The following COL26A1 variants were observed in gnomAD, a reference collection of about 807,000 sequenced individuals.
COL26A1 encodes the protein collagen type XXVI alpha 1 chain, also known as collagen alpha-1(XXVI) chain.
A neutral mutation model predicts 59.3 loss-of-function variants in COL26A1; 41 were observed. That is an observed-to-expected ratio of 0.69 (90% confidence interval 0.54 to 0.90). The LOEUF (loss-of-function observed/expected upper bound fraction) is 0.90. COL26A1 is among the 40% of genes least tolerant of loss of function. The pLI is 0.00. For synonymous variants in COL26A1, 266 were observed against 256.0 expected, an observed-to-expected ratio of 1.04 and a Z score of -0.37; for missense variants, 612 against 602.3, an observed-to-expected ratio of 1.02 and a Z score of -0.17.
chr7:101,386,424 ATCTTTATTTT>A (rs918465367), intron 1 of COL26A1, among the ~76,000 whole-genome samples: 2 of 151,354 alleles, frequency 1.3e-5, no homozygotes, highest in Admixed American at 6.6e-5. Context: ...GCTAATTTTA[ATCTTTATTTT>A]TTTTGAGATA....
chr7:101,378,445 C>G (rs143571174), intron 1 of COL26A1, among the ~76,000 whole-genome samples: 1 of 152,056 alleles, frequency 6.6e-6, no homozygotes, highest in African/African-American at 2.4e-5. Flanking sequence ...TCGCTTGAAC[C>G]GGGGAGGCAG....
At chr7:101,463,887 T>G (rs1381229949) in intron 3 of COL26A1, among the ~76,000 whole-genome samples, 1 of 99,440 alleles carries the variant, frequency 1.0e-5, no homozygotes, top group Admixed American at 9.9e-5. Flanking sequence ...CTTTCTTTCT[T>G]TCTTTCTTTC....
At chr7:101,469,446 C>T (rs1309255368) in intron 3 of COL26A1, among the ~76,000 whole-genome samples, 1 of 151,990 alleles carries the variant, frequency 6.6e-6, no homozygotes, top group African/African-American at 2.4e-5. Flanking sequence ...AAACGGGGTG[C>T]CCAGTTTACC....
chr7:101,557,268 G>T (rs917553851), intron 12 of COL26A1, 102 bp from the exon 13 acceptor site: 7 of 1,236,102 alleles, frequency 5.7e-6, no homozygotes, highest in Admixed American at 5.0e-5. Flanking sequence ...GCTTCTCCAC[G>T]CTGGGCAAGA....
chr7:101,447,577 TC>T lies in COL26A1; in HGVS notation c.282-104del, dbSNP rs1379018610. 12 of 735,526 alleles carry T rather than the reference TC, an allele frequency of 1.6e-5. No homozygotes were observed. The East Asian group carries it at 3.0e-4, about 19-fold the overall frequency. 45.6% of individuals were successfully genotyped at this position (735,526 alleles called of 1,614,324 possible). ...CAGTGGTTTCCACGCCATGGGGGCCTCCCGGAGCCCTGGCTGGGCAAAACAG... is the reference window on the plus strand; with the variant it reads ...CAGTGGTTTCCACGCCATGGGGGCCTCCGGAGCCCTGGCTGGGCAAAACAG... On this transcript the variant is annotated intron_variant, in intron 2 of 12. Coordinates refer to ENST00000313669, the MANE Select transcript of COL26A1 (RefSeq NM_001278563.3).
chr7:101,468,824 C>A (rs1470982251), intron 3 of COL26A1, among the ~76,000 whole-genome samples: 2 of 152,198 alleles, frequency 1.3e-5, no homozygotes, highest in Non-Finnish European at 2.9e-5. Context: ...GAGGCCAAGC[C>A]CTTGGCGCTC....
At chr7:101,534,549 C>A (rs1424189600) in intron 4 of COL26A1, among the ~76,000 whole-genome samples, 1 of 152,078 alleles carries the variant, frequency 6.6e-6, no homozygotes, top group Non-Finnish European at 1.5e-5. Context: ...TGCACACACA[C>A]AAAAACAGGG....
intron 7 of COL26A1, among the ~76,000 whole-genome samples, chr7:101,546,826 C>G (rs1356028981): frequency 6.6e-6 from 1 of 152,002 alleles, no homozygotes; most frequent in Non-Finnish European, 1.5e-5. Context: ...GCAGGATGGG[C>G]CTGTGGGATG....
At chr7:101,435,126 A>G (rs1009318668) in intron 2 of COL26A1, among the ~76,000 whole-genome samples, 1 of 152,170 alleles carries the variant, frequency 6.6e-6, no homozygotes, top group Non-Finnish European at 1.5e-5. Flanking sequence ...GGAGTTCGAG[A>G]CCAGCCTGGC....
In COL26A1 at chr7:101,410,232, C is replaced by G. The variant is rs74484792; in HGVS notation, c.159-9745C>G. 3.9e-3 allele frequency among the ~76,000 whole-genome samples: 589 copies of G among 152,244 alleles called. 14 individuals carry two copies. The East Asian group carries it at 0.056, about 14-fold the overall frequency. On this transcript the variant is annotated intron_variant, in intron 1 of 12. Transcript: ENST00000313669. The stretch of plus-strand genomic sequence containing the variant: ...GGCCAGCTGGTGTTCGTTGGTTCAT[C>G]AGTTCATCTGAATGCAAACTCTAAA...
intron 9 of COL26A1, among the ~76,000 whole-genome samples, chr7:101,550,711 C>G (rs1018993006): frequency 2.2e-4 from 33 of 152,144 alleles, no homozygotes; most frequent in African/African-American, 7.5e-4. Flanking sequence ...GTGGCGATGT[C>G]AGGGGACAGC....
intron 3 of COL26A1, among the ~76,000 whole-genome samples, chr7:101,528,123 G>A (rs1296423219): frequency 6.6e-6 from 1 of 152,128 alleles, no homozygotes; most frequent in Non-Finnish European, 1.5e-5. Context: ...CAGCTGGGGA[G>A]CTGGACCCAC....
intron 1 of COL26A1, among the ~76,000 whole-genome samples, chr7:101,411,068 G>C (rs1317233982): frequency 6.6e-6 from 1 of 152,154 alleles, no homozygotes; most frequent in Non-Finnish European, 1.5e-5. Flanking sequence ...CCTGAAGCTG[G>C]ACACCCCCAA....
chr7:101,539,929 C>T lies in COL26A1; in HGVS notation c.484C>T (p.Pro162Ser). ...AGAAGCAGCAGAACGGCCCTCCAGC[C>T]CGGACAACGACCTGCCAGCCCCCGA... ...LLEAAERPSS[P>S]DNDLPAPEST... Residue 162 changes from proline (P) to serine (S), a missense_variant, in exon 5 of 13, where the codon CCG (proline) becomes TCG (serine). Coordinates refer to ENST00000313669, the MANE Select transcript of COL26A1 (RefSeq NM_001278563.3). 6.2e-7 allele frequency: 1 copy of T among 1,613,546 alleles called. No homozygotes were observed. Among genetic ancestry groups the T allele is most frequent in the Non-Finnish European group, 8.5e-7 (1 of 1,179,744 alleles).
chr7:101,397,547 T>TG (rs1025399661), intron 1 of COL26A1, among the ~76,000 whole-genome samples: 1 of 145,774 alleles, frequency 6.9e-6, no homozygotes, highest in Non-Finnish European at 1.5e-5. Context: ...CCCCTCCTTT[T>TG]TTTTTTTGAG....
intron 1 of COL26A1, among the ~76,000 whole-genome samples, chr7:101,394,158 G>A (rs1441816563): frequency 1.3e-5 from 2 of 152,078 alleles, no homozygotes; most frequent in East Asian, 1.9e-4. Context: ...GGTAGCAAGA[G>A]GGCCAGAGTG....
intron 1 of COL26A1, among the ~76,000 whole-genome samples, chr7:101,377,563 A>G (rs1791348607): frequency 6.6e-6 from 1 of 152,114 alleles, no homozygotes; most frequent in Admixed American, 6.6e-5. Flanking sequence ...AGTAGGTGGA[A>G]CTATAGGCAT....
chr7:101,406,631 C>T (rs1024208728), intron 1 of COL26A1, among the ~76,000 whole-genome samples: 1 of 152,218 alleles, frequency 6.6e-6, no homozygotes, highest in Admixed American at 6.5e-5. Flanking sequence ...CCTGGAACCC[C>T]ACTCTGAGTT....
chr7:101,399,978 T>C (rs1307369528), intron 1 of COL26A1, among the ~76,000 whole-genome samples: 1 of 152,246 alleles, frequency 6.6e-6, no homozygotes, highest in East Asian at 1.9e-4. Flanking sequence ...AAGTCTCTGC[T>C]CTCAGGGAGA....
Sources: gnomAD v4.1 joint callset for allele counts (sites outside exome capture counted in the v4.1 genomes callset) on GRCh38, gnomAD v4.1.1 for gene constraint, MANE v1.5 for transcripts, NCBI Gene and HGNC (gene_info 2026-07-23, HGNC 2026-07-21) for gene names.